Variants in TMEM217B observed in about 807,000 individuals in gnomAD.
TMEM217B encodes transmembrane protein 217B, also known as putative transmembrane protein 217B.
At chr6:37,218,319 C>T in the TMEM217B span, 2 of 1,153,076 alleles carry the variant, frequency 1.7e-6, no homozygotes, top group Non-Finnish European at 2.4e-6. Context: ...CAGGTGTGTG[C>T]CGCCACGCCT....
chr6:37,237,201 G>A, the TMEM217B span, among the ~76,000 whole-genome samples: 21 of 152,286 alleles, frequency 1.4e-4, no homozygotes, highest in African/African-American at 5.1e-4. Flanking sequence ...CCAAGATGTA[G>A]GGACTTCTGA....
chr6:37,217,560 A>G, the TMEM217B span: 1 of 853,494 alleles, frequency 1.2e-6, no homozygotes, highest in Non-Finnish European at 1.4e-6. Context: ...TGTTTAACAT[A>G]TATCTTTGAT....
At chr6:37,212,951 A>T in the TMEM217B span, 1 of 1,549,646 alleles carries the variant, frequency 6.5e-7, no homozygotes, top group Non-Finnish European at 8.7e-7. Flanking sequence ...ACCATGAGGG[A>T]GAACATCCTG....
the TMEM217B span, chr6:37,257,815 CG>C: frequency 2.0e-5 from 26 of 1,311,824 alleles, no homozygotes; most frequent in African/African-American, 2.6e-4. Context: ...GGGTGACCGG[CG>C]GCGGGGAAGC....
chr6:37,233,288 C>T, the TMEM217B span, among the ~76,000 whole-genome samples: 1 of 152,184 alleles, frequency 6.6e-6, no homozygotes, highest in African/African-American at 2.4e-5. Context: ...ACTCTCCTTC[C>T]CACCAATCTC....
At chr6:37,216,451 T>C in the TMEM217B span, among the ~76,000 whole-genome samples, 4 of 151,838 alleles carry the variant, frequency 2.6e-5, no homozygotes, top group African/African-American at 4.8e-5. Context: ...AAGGTGGAGG[T>C]AGGCAGAGCA....
chr6:37,217,242 C>A, the TMEM217B span, among the ~76,000 whole-genome samples: 2 of 152,138 alleles, frequency 1.3e-5, no homozygotes, highest in Non-Finnish European at 2.9e-5. Flanking sequence ...TGCAGTGAGC[C>A]GAGGTCGCAC....
the TMEM217B span, among the ~76,000 whole-genome samples, chr6:37,220,097 AAAAT>A: frequency 6.6e-6 from 1 of 152,238 alleles, no homozygotes; most frequent in African/African-American, 2.4e-5. Context: ...TAGGAGGAAG[AAAAT>A]AAATAGAAGC....
chr6:37,215,592 A>AAAAAAAAAAAAAAAAC, the TMEM217B span, among the ~76,000 whole-genome samples: 1 of 149,330 alleles, frequency 6.7e-6, no homozygotes, highest in Admixed American at 6.7e-5. Context: ...AAAAAAAAAA[A>AAAAAAAAAAAAAAAAC]AAAAAAAAAG....
the TMEM217B span, among the ~76,000 whole-genome samples, chr6:37,239,664 A>G: frequency 3.9e-5 from 6 of 152,148 alleles, no homozygotes; most frequent in Admixed American, 3.9e-4. Flanking sequence ...AATTGCTCTC[A>G]TCAAGTTGAC....
the TMEM217B span, among the ~76,000 whole-genome samples, chr6:37,250,829 G>T: frequency 1.3e-5 from 2 of 152,206 alleles, no homozygotes; most frequent in East Asian, 1.9e-4. Flanking sequence ...TTCATTAAAG[G>T]TCCCAACCTT....
At chr6:37,251,282 T>A in the TMEM217B span, among the ~76,000 whole-genome samples, 4 of 149,884 alleles carry the variant, frequency 2.7e-5, no homozygotes, top group South Asian at 6.5e-4. Context: ...CACCCACTCA[T>A]CTTGCTTACA....
At chr6:37,257,706 A>G in the TMEM217B span, 5 of 547,722 alleles carry the variant, frequency 9.1e-6, no homozygotes, top group African/African-American at 5.9e-5. Context: ...CCGGCTCCCA[A>G]TTGGTCGGCC....
the TMEM217B span, among the ~76,000 whole-genome samples, chr6:37,219,879 G>A: frequency 6.6e-6 from 1 of 152,160 alleles, no homozygotes; most frequent in African/African-American, 2.4e-5. Flanking sequence ...CCTGTTGGGT[G>A]GAGATGATAA....
At chr6:37,224,977 G>C in the TMEM217B span, among the ~76,000 whole-genome samples, 33 of 149,818 alleles carry the variant, frequency 2.2e-4, no homozygotes, top group Non-Finnish European at 4.6e-4. Flanking sequence ...ACAGGAGTTC[G>C]AAACCAACCT....
At chr6:37,213,105 G>A in the TMEM217B span, 1 of 762,030 alleles carries the variant, frequency 1.3e-6, no homozygotes, top group Non-Finnish European at 2.1e-6. Flanking sequence ...ATGATGGTGT[G>A]TGGACAGGCA....
the TMEM217B span, among the ~76,000 whole-genome samples, chr6:37,228,034 C>A: frequency 0.08 from 12,212 of 152,068 alleles, 796 homozygotes; most frequent in African/African-American, 0.16. Flanking sequence ...ACTTCTAAAG[C>A]AAGAGTCTCA....
At chr6:37,253,501 A>G in the TMEM217B span, among the ~76,000 whole-genome samples, 5 of 152,166 alleles carry the variant, frequency 3.3e-5, no homozygotes, top group African/African-American at 9.7e-5. Context: ...CTTCTCTAAT[A>G]TAACTGATCT....
At chr6:37,252,538 A>C in the TMEM217B span, among the ~76,000 whole-genome samples, 1 of 150,666 alleles carries the variant, frequency 6.6e-6, no homozygotes, top group Non-Finnish European at 1.5e-5. Flanking sequence ...ATATGTCAAC[A>C]TGTATATGTT....
Sources: allele counts gnomAD v4.1 joint callset (sites outside exome capture counted in the v4.1 genomes callset), GRCh38; gene constraint gnomAD v4.1.1; transcripts MANE v1.5; gene names NCBI Gene and HGNC (gene_info 2026-07-23, HGNC 2026-07-21).